Variants in SRGAP2C observed in about 807,000 individuals in gnomAD.
SRGAP2C encodes SLIT-ROBO Rho GTPase-activating protein 2C.
SRGAP2C carries 15 observed loss-of-function variants against 25.1 expected under a neutral mutation model. That is an observed-to-expected ratio of 0.60 (90% CI 0.40 to 0.92). The LOEUF (loss-of-function observed/expected upper bound fraction) is 0.92. Ranked by LOEUF, SRGAP2C falls within the 40% of genes least tolerant of loss-of-function variation. SRGAP2C has a pLI of 0.00. For missense variants in SRGAP2C, 144 were observed against 264.4 expected (o/e 0.54, Z 3.16); for synonymous variants, 44 against 96.6 (o/e 0.46, Z 3.19).
chr1:121,201,613 T>C (rs1654980265), intron 2 of SRGAP2C, among the ~76,000 whole-genome samples: 1 of 152,266 alleles, frequency 6.6e-6, no homozygotes, highest in Non-Finnish European at 1.5e-5. Flanking sequence ...ACAAACACCA[T>C]ACACACAAAT....
chr1:121,237,404 C>T (rs1229949467), intron 2 of SRGAP2C, among the ~76,000 whole-genome samples: 2 of 152,084 alleles, frequency 1.3e-5, no homozygotes, highest in Non-Finnish European at 2.9e-5. Context: ...TCACTTTGAG[C>T]CACTCAGAGT....
At chr1:121,191,315 A>G (rs1178353796) in intron 2 of SRGAP2C, among the ~76,000 whole-genome samples, 7 of 151,892 alleles carry the variant, frequency 4.6e-5, no homozygotes, top group Non-Finnish European at 7.4e-5. Context: ...TATACTTTAA[A>G]TCATCTCTAG....
chr1:121,243,998 AC>A (rs1553330191), intron 2 of SRGAP2C, among the ~76,000 whole-genome samples: 1 of 146,582 alleles, frequency 6.8e-6, no homozygotes, highest in African/African-American at 2.5e-5. Flanking sequence ...AAGCATATTG[AC>A]AGTATTGGAG....
At chr1:121,298,051 C>A (rs1657632347) in intron 3 of SRGAP2C, among the ~76,000 whole-genome samples, 1 of 152,082 alleles carries the variant, frequency 6.6e-6, no homozygotes, top group Non-Finnish European at 1.5e-5. Flanking sequence ...TCTTCAGACA[C>A]CTGTGGGCCC....
intron 7 of SRGAP2C, among the ~76,000 whole-genome samples, chr1:121,380,572 GC>G (rs1659789952): frequency 2.6e-5 from 4 of 151,386 alleles, no homozygotes; most frequent in Admixed American, 2.6e-4. Flanking sequence ...CAGCTTTCAA[GC>G]CTGGAAAATT....
At chr1:121,201,066 C>T in intron 2 of SRGAP2C, among the ~76,000 whole-genome samples, 1 of 99,282 alleles carries the variant, frequency 1.0e-5, no homozygotes, top group Non-Finnish European at 2.0e-5. Flanking sequence ...TTAAAGGTTT[C>T]ATCTTTAAAT....
intron 2 of SRGAP2C, among the ~76,000 whole-genome samples, chr1:121,231,286 T>TC (rs1159977054): frequency 7.0e-6 from 1 of 142,920 alleles, no homozygotes; most frequent in Non-Finnish European, 1.5e-5. Flanking sequence ...GATGTCTGAC[T>TC]CCCCCTCCTC....
At chr1:121,375,036 C>T in intron 7 of SRGAP2C, 82 bp downstream of exon 7, 1 of 690,668 alleles carries the variant, frequency 1.4e-6, no homozygotes, top group East Asian at 2.6e-5. Flanking sequence ...TACTATTGTT[C>T]AGGAATCTGG....
intron 4 of SRGAP2C, among the ~76,000 whole-genome samples, chr1:121,339,206 C>T (rs1658591160): frequency 6.7e-6 from 1 of 150,216 alleles, no homozygotes; most frequent in Non-Finnish European, 1.5e-5. Flanking sequence ...GTCTGGCTGT[C>T]CCATAGCTTT....
chr1:121,221,932 G>A (rs371179041), intron 2 of SRGAP2C, among the ~76,000 whole-genome samples: 98 of 152,152 alleles, frequency 6.4e-4, no homozygotes, highest in Non-Finnish European at 1.2e-3. Flanking sequence ...TAGCGTCCTA[G>A]CCATGCAAGC....
chr1:121,287,576 A>G (rs1657398244), intron 3 of SRGAP2C, among the ~76,000 whole-genome samples: 2 of 152,074 alleles, frequency 1.3e-5, no homozygotes, highest in South Asian at 4.2e-4. Flanking sequence ...ACTATATCAT[A>G]TTCTCAGCTT....
chr1:121,210,377 T>C (rs1655221918), intron 2 of SRGAP2C, among the ~76,000 whole-genome samples: 1 of 149,224 alleles, frequency 6.7e-6, no homozygotes, highest in Non-Finnish European at 1.5e-5. Context: ...TTTTCCAATC[T>C]CTTATCTTGT....
At chr1:121,230,716 C>A (rs1553327389) in intron 2 of SRGAP2C, among the ~76,000 whole-genome samples, 1 of 149,964 alleles carries the variant, frequency 6.7e-6, no homozygotes, top group African/African-American at 2.5e-5. Flanking sequence ...AATCATTCTA[C>A]TATAAAGACA....
chr1:121,346,900 G>T (rs1158023641), intron 4 of SRGAP2C, among the ~76,000 whole-genome samples: 1 of 151,858 alleles, frequency 6.6e-6, no homozygotes, highest in Non-Finnish European at 1.5e-5. Flanking sequence ...AGTTCCCTGG[G>T]CCTGCCTCAT....
chr1:121,267,826 T>C (rs1486486464), intron 2 of SRGAP2C, among the ~76,000 whole-genome samples: 1 of 145,754 alleles, frequency 6.9e-6, no homozygotes, highest in Non-Finnish European at 1.5e-5. Context: ...AATGCATCTC[T>C]CCTTTGATTT....
At chr1:121,211,404 T>C (rs1553323644) in intron 2 of SRGAP2C, among the ~76,000 whole-genome samples, 1 of 127,334 alleles carries the variant, frequency 7.9e-6, no homozygotes, top group Non-Finnish European at 1.7e-5. Context: ...GAGAGAGATA[T>C]ATATATACAC....
intron 3 of SRGAP2C, among the ~76,000 whole-genome samples, chr1:121,285,887 C>A (rs1344965245): frequency 4.6e-5 from 7 of 151,930 alleles, no homozygotes; most frequent in Non-Finnish European, 8.8e-5. Context: ...GGATCACAGT[C>A]CACAGCAGGG....
At position 121,392,669 on chromosome 1, in the gene SRGAP2C, A is replaced by T. The variant is rs2101692297; in HGVS notation, c.*4814A>T. 1 of 97,836 alleles carries T rather than the reference A, an allele frequency of 1.0e-5. No homozygotes were observed. The highest frequency in any genetic ancestry group is 4.2e-5 in the African/African-American group (1 of 24,070). The allele number at this position is 97,836 out of a possible 1,614,324, so 6.1% of individuals were successfully genotyped here. ...ATGTTTATTCTGAATTATCTAATTC[A>T]TATTGTAAGTATAGAGGGAGTTTAA... On this transcript the variant is annotated 3_prime_UTR_variant, in exon 10 of 10. Coordinates refer to ENST00000367123, the MANE Select transcript of SRGAP2C (RefSeq NM_001329984.2).
Position 121,341,154 on chromosome 1 carries a change from T to A in SRGAP2C, c.423+16514T>A, listed in dbSNP as rs1304017262. Among the ~76,000 whole-genome samples the A allele has an allele frequency of 1.2e-3, 87 of 72,420 alleles. 27 individuals carry two copies. Among genetic ancestry groups the A allele is most frequent in the Non-Finnish European group, 1.3e-4 (5 of 39,178 alleles). 47.5% of individuals were successfully genotyped at this position (72,420 alleles called of 152,430 possible). A position where few individuals can be genotyped will look rare whatever the true frequency, so the allele number is the denominator to read the frequency against. The stretch of plus-strand genomic sequence containing the variant: ...TAATGACAATAGGAACTAAAAGAAT[T>A]AGATTTACCAGAAGGCAGAGGAAAG... On this transcript the variant is annotated intron_variant, in intron 4 of 9. Transcript: ENST00000367123.
Sources: allele counts gnomAD v4.1 joint callset (sites outside exome capture counted in the v4.1 genomes callset), GRCh38; gene constraint gnomAD v4.1.1; transcripts MANE v1.5; gene names NCBI Gene and HGNC (gene_info 2026-07-23, HGNC 2026-07-21).